The following ZNF438 variants were observed in gnomAD, a reference collection of about 807,000 sequenced individuals.
The protein encoded by ZNF438 is zinc finger protein 438.
A neutral mutation model predicts 38.0 loss-of-function variants in ZNF438; 25 were observed. The ratio of observed to expected loss-of-function variants is 0.66; its 90% confidence interval spans 0.48 to 0.92. The LOEUF is 0.92. ZNF438 is among the 40% of genes least tolerant of loss of function. The pLI, the probability that ZNF438 is intolerant of heterozygous loss-of-function variation, is 0.00. For missense variants in ZNF438, 1,007 were observed against 999.6 expected, an observed-to-expected ratio of 1.01 and a Z score of -0.10; for synonymous variants, 372 against 364.1, an observed-to-expected ratio of 1.02 and a Z score of -0.25.
At chr10:31,024,165 A>G (rs185704504) in intron 1 of ZNF438, among the ~76,000 whole-genome samples, 1 of 152,386 alleles carries the variant, frequency 6.6e-6, no homozygotes, top group Admixed American at 6.5e-5. Context: ...GAAGACACAG[A>G]ATAGCTCAGT....
In ZNF438 at chr10:30,985,360, A is replaced by G. The variant is rs139213774; in HGVS notation, c.-191-43709T>C. On this transcript the variant is annotated intron_variant, in intron 1 of 5. Transcript: ENST00000413025. The stretch of plus-strand genomic sequence containing the variant: ...TTCTCTAAAGCATGACTTTTCATCT[A>G]GATCCAATGACTTTTTAAAAAAATG... Among the ~76,000 whole-genome samples, 29 of 152,322 alleles carry G rather than the reference A, an allele frequency of 1.9e-4. No individual in the cohort carries two copies. In the East Asian group the frequency reaches 4.8e-3, roughly 25 times the overall value.
intron 1 of ZNF438, among the ~76,000 whole-genome samples, chr10:30,980,190 C>G (rs529464610): frequency 6.6e-6 from 1 of 151,448 alleles, no homozygotes; most frequent in African/African-American, 2.4e-5. Context: ...AACGTTTCAT[C>G]CTGTGTGTGC....
At chr10:30,951,638 G>T (rs372544809) in intron 1 of ZNF438, among the ~76,000 whole-genome samples, 1,752 of 152,076 alleles carry the variant, frequency 0.012, 32 homozygotes, top group African/African-American at 0.039. Context: ...ATGAGTGAAC[G>T]CCCATTCACA....
intron 1 of ZNF438, among the ~76,000 whole-genome samples, chr10:31,005,271 A>T (rs1217260844): frequency 6.6e-6 from 1 of 152,058 alleles, no homozygotes; most frequent in Non-Finnish European, 1.5e-5. Flanking sequence ...GTGTGTACAT[A>T]TGTGTGTGTG....
intron 2 of ZNF438, among the ~76,000 whole-genome samples, chr10:30,914,920 T>C (rs1251139802): frequency 6.6e-6 from 1 of 152,012 alleles, no homozygotes; most frequent in Non-Finnish European, 1.5e-5. Flanking sequence ...TAAGAAGAAA[T>C]GCCTACTTTG....
intron 2 of ZNF438, chr10:30,920,578 A>C (rs1260000444): frequency 6.6e-6 from 1 of 152,140 alleles, no homozygotes; most frequent in Non-Finnish European, 1.5e-5. Flanking sequence ...TCCTCATTTT[A>C]CTTGGCAGTT....
In ZNF438 at chr10:31,007,912, G is replaced by A. The variant is rs1808352383; in HGVS notation, c.-192+23921C>T. Among the ~76,000 whole-genome samples the A allele has an allele frequency of 2.0e-5, 3 of 152,180 alleles. No homozygotes were observed. The South Asian group carries it at 6.2e-4, about 31-fold the overall frequency. ...ACTCAGCTCTCTCATAAAGCAAAAT[G>A]AGGGGGGACTAGATGACTTCTGAAG... On this transcript the variant is annotated intron_variant, in intron 1 of 5. Coordinates refer to ENST00000413025, the Ensembl canonical transcript of ZNF438.
At chr10:30,891,951 C>G (rs538310788) in intron 3 of ZNF438, among the ~76,000 whole-genome samples, 1 of 152,220 alleles carries the variant, frequency 6.6e-6, no homozygotes, top group South Asian at 2.1e-4. Context: ...AAGATGAACG[C>G]TTTTCAAAAA....
intron 1 of ZNF438, among the ~76,000 whole-genome samples, chr10:31,002,753 G>A (rs952767876): frequency 6.6e-6 from 1 of 152,182 alleles, no homozygotes; most frequent in East Asian, 1.9e-4. Context: ...ACGGAGAAGA[G>A]AGCAGCTAGA....
At chr10:30,913,066 C>G (rs1048493611) in intron 2 of ZNF438, among the ~76,000 whole-genome samples, 4 of 151,994 alleles carry the variant, frequency 2.6e-5, no homozygotes, top group African/African-American at 9.7e-5. Flanking sequence ...TCCAGTGTAC[C>G]CCACTAAAAT....
chr10:30,981,776 G>A (rs2052183574), intron 1 of ZNF438, among the ~76,000 whole-genome samples: 1 of 151,970 alleles, frequency 6.6e-6, no homozygotes, highest in Non-Finnish European at 1.5e-5. Flanking sequence ...TGCTCAGGAG[G>A]CTGAGGAAGG....
intron 2 of ZNF438, among the ~76,000 whole-genome samples, chr10:30,926,472 C>T (rs1224482003): frequency 6.6e-6 from 1 of 152,066 alleles, no homozygotes; most frequent in African/African-American, 2.4e-5. Flanking sequence ...TCGAGACTAG[C>T]CTGGCCAATA....
In ZNF438 at chr10:30,849,093, G is replaced by T. The variant is rs779025302; in HGVS notation, c.1312C>A (p.Pro438Thr). ...GTGGGTATGACCATGATAGGTTTGG[G>T]CATAATGCTACGGTATTTTTTCAGG... The change falls in exon 5 of 6, where the codon CCC (proline) becomes ACC (threonine). Residue 438 changes from proline (P) to threonine (T), a missense_variant. Physicochemically the swap from Pro to Thr is conservative, Grantham distance 38 (BLOSUM62 -1). Coordinates refer to ENST00000413025, the Ensembl canonical transcript of ZNF438. 1.9e-6 allele frequency: 3 copies of T among 1,613,902 alleles called. No homozygotes were observed. The South Asian group carries it at 3.3e-5, about 18-fold the overall frequency.
At chr10:30,980,375 A>T (rs2051985137) in intron 1 of ZNF438, among the ~76,000 whole-genome samples, 1 of 152,078 alleles carries the variant, frequency 6.6e-6, no homozygotes, top group Non-Finnish European at 1.5e-5. Flanking sequence ...TATGACAGTG[A>T]CTTACAATAG....
intron 1 of ZNF438, among the ~76,000 whole-genome samples, chr10:30,997,216 CAG>C (rs145618385): frequency 0.02 from 3,054 of 152,006 alleles, 55 homozygotes; most frequent in South Asian, 0.065. Context: ...ACAAATGAAA[CAG>C]AGAATGGAAA....
At chr10:30,927,883 A>AAAG (rs2045148126) in intron 2 of ZNF438, among the ~76,000 whole-genome samples, 1 of 151,958 alleles carries the variant, frequency 6.6e-6, no homozygotes, top group Admixed American at 6.6e-5. Context: ...GCCAAAAAAA[A>AAAG]GTACAGAAAT....
chr10:30,870,105 T>C (rs1437606089), intron 4 of ZNF438, among the ~76,000 whole-genome samples: 1 of 152,204 alleles, frequency 6.6e-6, no homozygotes, highest in Admixed American at 6.5e-5. Context: ...TCATAAAAAA[T>C]AGCTTTTATT....
intron 1 of ZNF438, among the ~76,000 whole-genome samples, chr10:31,001,478 G>C (rs1690632): frequency 0.41 from 62,635 of 152,038 alleles, 15,118 homozygotes; most frequent in African/African-American, 0.67. Context: ...ACAGGACACA[G>C]AGAGGTTAAT....
chr10:31,008,219 A>G (rs1466155803), intron 1 of ZNF438, among the ~76,000 whole-genome samples: 1 of 152,206 alleles, frequency 6.6e-6, no homozygotes, highest in Non-Finnish European at 1.5e-5. Context: ...TAATAATAAT[A>G]ATATCTTTTC....
Sources: gnomAD v4.1 joint callset for allele counts (sites outside exome capture counted in the v4.1 genomes callset) on GRCh38, gnomAD v4.1.1 for gene constraint, MANE v1.5 for transcripts, NCBI Gene and HGNC (gene_info 2026-07-23, HGNC 2026-07-21) for gene names.